The following FARP2 variants were observed in gnomAD, a reference collection of about 807,000 sequenced individuals.
The protein encoded by FARP2 is FERM, ARHGEF and pleckstrin domain-containing protein 2.
Under a neutral mutation model 130.5 loss-of-function variants are expected in FARP2, and 111 were observed. The ratio of observed to expected loss-of-function variants is 0.85; its 90% CI spans 0.73 to 1.00. FARP2 has a LOEUF of 1.00. Ranked by LOEUF, FARP2 falls within the 50% of genes least tolerant of loss-of-function variation. FARP2 has a pLI of 0.00. For missense variants in FARP2, 1,385 were observed against 1,346.3 expected, an observed-to-expected ratio of 1.03 and a Z score of -0.45; for synonymous variants, 504 against 516.9, an observed-to-expected ratio of 0.98 and a Z score of 0.34.
intron 18 of FARP2, among the ~76,000 whole-genome samples, chr2:241,472,232 G>T (rs994523630): frequency 6.6e-6 from 1 of 150,688 alleles, no homozygotes. Flanking sequence ...ACCATGTTCT[G>T]TGGGGAACCT....
In FARP2 at chr2:241,482,564, G is replaced by A. The variant is rs1022338701; in HGVS notation, c.2263-901G>A. Among the ~76,000 whole-genome samples the A allele has an allele frequency of 7.2e-5, 11 of 152,198 alleles. No individual in the cohort carries two copies. Among genetic ancestry groups the A allele is most frequent in the South Asian group, 2.1e-4 (1 of 4,824 alleles). ...TAGTTACCGGCCCCATCCAGTTAAC[G>A]CAAATGCATCCATATGACCACCTTC... On this transcript the variant is annotated intron_variant, in intron 19 of 26. Coordinates refer to ENST00000264042, the MANE Select transcript of FARP2 (RefSeq NM_014808.4). The surrounding 1 kb of genome is among the most constrained non-coding windows in gnomAD (Gnocchi z 4.6).
At chr2:241,394,217 A>G (rs188758469) in intron 2 of FARP2, among the ~76,000 whole-genome samples, 3 of 152,278 alleles carry the variant, frequency 2.0e-5, no homozygotes, top group Admixed American at 1.3e-4. Flanking sequence ...AAGATTTGAA[A>G]GGATAAAAGT....
chr2:241,486,478 A>C (rs1477247755), intron 21 of FARP2, among the ~76,000 whole-genome samples: 7 of 139,702 alleles, frequency 5.0e-5, no homozygotes, highest in Non-Finnish European at 1.1e-4. Context: ...AAAAAAAAAA[A>C]AAAAAAAAAC....
chr2:241,407,450 C>A, intron 4 of FARP2, 87 bp from the exon 5 acceptor site: 1 of 977,296 alleles, frequency 1.0e-6, no homozygotes, highest in Non-Finnish European at 1.6e-6. Context: ...CACTTGGAAG[C>A]ATGACCTCAG....
chr2:241,491,298 A>T lies in FARP2; in HGVS notation c.2623+119A>T, dbSNP rs2064897620. On this transcript the variant is annotated intron_variant, in intron 23 of 26. Coordinates refer to ENST00000264042, the MANE Select transcript of FARP2 (RefSeq NM_014808.4). ...AGTTCCCACACAATCCCCTTCCACA[A>T]GGAATGTTCCAGGCTACGCCTCATG... 13 of 888,656 alleles carry T rather than the reference A, an allele frequency of 1.5e-5. 1 individual carries two copies. In the Middle Eastern group the frequency reaches 6.8e-4, roughly 46 times the overall value. The allele number at this position is 888,656 out of a possible 1,614,324, so 55.0% of individuals were successfully genotyped here.
At chr2:241,471,951 T>C (rs77173521) in intron 18 of FARP2, among the ~76,000 whole-genome samples, 53 of 60,720 alleles carry the variant, frequency 8.7e-4, no homozygotes, top group East Asian at 1.8e-3. Flanking sequence ...GGTGATCCTG[T>C]TCTGAAGGAA....
At position 241,413,317 on chromosome 2, in the gene FARP2, A is replaced by G. The variant is rs769838815; in HGVS notation, c.519A>G (p.Gly173=). The G allele has an allele frequency of 6.2e-7, 1 of 1,605,470 alleles. No individual in the cohort carries two copies. Among genetic ancestry groups the G allele is most frequent in the Admixed American group, 1.7e-5 (1 of 59,134 alleles). ...LTSHLLQSEI[G]DYDETLDREH... is the part of the protein sequence containing the mutation. ...TTTAACCTATCTCAGCGGAAATAGG[A>G]GATTACGATGAAACGCTGGACCGAG... Residue 173 remains glycine, a synonymous_variant, in exon 7 of 27, where the codon GGA becomes GGG. Transcript: ENST00000264042.
rs1015380059 is a variant in FARP2 at position 241,475,343 on chromosome 2, TC to T, written c.2132-510del. On this transcript the variant is annotated intron_variant, in intron 18 of 26. Coordinates refer to ENST00000264042, the MANE Select transcript of FARP2 (RefSeq NM_014808.4). The surrounding 1 kb of genome is among the most constrained non-coding windows in gnomAD (Gnocchi z 4.4). ...TCCTATAAGTCCTATAAGGCAGGGG[TC>T]CCCAGTGCCCATGGCTATGGACTAG... is the stretch of plus-strand genomic sequence containing the variant. Among the ~76,000 whole-genome samples, 50 of 152,228 alleles carry T rather than the reference TC, an allele frequency of 3.3e-4. No individual in the cohort carries two copies. Among genetic ancestry groups the T allele is most frequent in the African/African-American group, 1.2e-3 (49 of 41,526 alleles).
chr2:241,455,850 C>T (rs569865374), intron 13 of FARP2, among the ~76,000 whole-genome samples: 3 of 149,840 alleles, frequency 2.0e-5, no homozygotes, highest in African/African-American at 4.9e-5. Context: ...TGCCATTCTC[C>T]TGCCTCAGCC....
chr2:241,475,921 C>A lies in FARP2; in HGVS notation c.2196C>A (p.Asn732Lys). The change falls in exon 19 of 27, where the codon AAC becomes AAA. Residue 732 changes from asparagine (N) to lysine (K), a missense_variant. Transcript: ENST00000264042. The surrounding 1 kb of genome is among the most constrained non-coding windows in gnomAD (Gnocchi z 4.4). ...AGCACATTCTCATCCGGCTGGAGAACCTGCAGAAGCTAACGGAGCTGCAGC... is the reference window on the plus strand; with the variant it reads ...AGCACATTCTCATCCGGCTGGAGAAACTGCAGAAGCTAACGGAGCTGCAGC... ...TLQHILIRLE[N>K]LQKLTELQRD... The A allele has an allele frequency of 1.2e-6, 2 of 1,614,006 alleles. No homozygotes were observed. Among genetic ancestry groups the A allele is most frequent in the South Asian group, 1.1e-5 (1 of 91,070 alleles).
chr2:241,367,809 T>G (rs1483172647), intron 1 of FARP2, among the ~76,000 whole-genome samples: 1 of 152,136 alleles, frequency 6.6e-6, no homozygotes, highest in African/African-American at 2.4e-5. Flanking sequence ...GGGAAGAGTT[T>G]TGGTAGCCAA....
intron 2 of FARP2, among the ~76,000 whole-genome samples, chr2:241,391,629 C>T: frequency 6.6e-6 from 1 of 152,170 alleles, no homozygotes; most frequent in South Asian, 2.1e-4. Flanking sequence ...TTCAAGTAGG[C>T]AGCTAGCAGA....
intron 2 of FARP2, among the ~76,000 whole-genome samples, chr2:241,378,494 C>G (rs1398659783): frequency 6.7e-6 from 1 of 148,386 alleles, no homozygotes; most frequent in African/African-American, 2.5e-5. Flanking sequence ...TCACTGCAGC[C>G]TTGACCTCCC....
intron 12 of FARP2, among the ~76,000 whole-genome samples, chr2:241,439,235 C>G (rs2063323578): frequency 6.6e-6 from 1 of 151,658 alleles, no homozygotes; most frequent in African/African-American, 2.4e-5. Flanking sequence ...CCAGGCTGGT[C>G]TCAAACTCCT....
At chr2:241,486,959 A>G (rs1378357976) in intron 21 of FARP2, among the ~76,000 whole-genome samples, 1 of 152,128 alleles carries the variant, frequency 6.6e-6, no homozygotes, top group African/African-American at 2.4e-5. Context: ...CAGCCCCATC[A>G]TTTCACTTTG....
chr2:241,448,621 A>G (rs1321950041), intron 13 of FARP2, among the ~76,000 whole-genome samples: 1 of 152,272 alleles, frequency 6.6e-6, no homozygotes, highest in African/African-American at 2.4e-5. Context: ...TACACCTGGC[A>G]GATAGCAGAT....
intron 23 of FARP2, 75 bp from the exon 24 acceptor site, chr2:241,491,441 A>G (rs2064907575): frequency 6.6e-7 from 1 of 1,524,244 alleles, no homozygotes; most frequent in Non-Finnish European, 9.0e-7. Flanking sequence ...CCCGAGAGGA[A>G]CCCAAGGGGT....
intron 2 of FARP2, among the ~76,000 whole-genome samples, chr2:241,380,295 A>G (rs536694130): frequency 2.6e-5 from 4 of 152,286 alleles, no homozygotes; most frequent in East Asian, 3.9e-4. Context: ...CTAGCACCCA[A>G]TGTTGATCAC....
intron 4 of FARP2, among the ~76,000 whole-genome samples, chr2:241,405,753 G>A (rs1436852330): frequency 6.6e-6 from 1 of 152,140 alleles, no homozygotes; most frequent in African/African-American, 2.4e-5. Context: ...CGCCAACATG[G>A]TGAAACCCTG....
Sources: gnomAD v4.1 joint callset for allele counts (sites outside exome capture counted in the v4.1 genomes callset) on GRCh38, gnomAD v4.1.1 for gene constraint, Gnocchi (gnomAD v3.1) non-coding constraint, MANE v1.5 for transcripts, NCBI Gene and HGNC (gene_info 2026-07-23, HGNC 2026-07-21) for gene names.